ASIC5: variants seen among roughly 807,000 people sequenced by gnomAD.
The protein encoded by ASIC5 is acid sensing ion channel subunit family member 5, also known as bile acid-sensitive ion channel.
ASIC5 carries 52 observed loss-of-function variants against 51.2 expected under a neutral mutation model. The observed-to-expected ratio is 1.02, with a 90% CI of 0.81 to 1.28. The LOEUF (loss-of-function observed/expected upper bound fraction) is 1.28, where lower values mean the gene tolerates loss of function less well. Among genes scored for constraint, ASIC5 ranks in the 50% most tolerant of loss-of-function variants. The pLI is 0.00. For synonymous variants in ASIC5, 231 were observed against 200.7 expected, an observed-to-expected ratio of 1.15 and a Z score of -1.28; for missense variants, 635 against 595.0, an observed-to-expected ratio of 1.07 and a Z score of -0.70.
intron 4 of ASIC5, 75 bp downstream of exon 4, chr4:155,852,116 G>T: frequency 6.7e-7 from 1 of 1,495,008 alleles, no homozygotes; most frequent in South Asian, 1.2e-5. Flanking sequence ...TATCTGATAT[G>T]GCCCAATAGT....
At chr4:155,838,912 T>A in intron 6 of ASIC5, 43 bp from the exon 7 acceptor site, 2 of 1,122,866 alleles carry the variant, frequency 1.8e-6, no homozygotes, top group Non-Finnish European at 2.6e-6. Flanking sequence ...TTACATTTTG[T>A]AAAATAAGTG....
rs78261815 is a variant in ASIC5, at chr4:155,862,544, G to A, written c.347+904C>T. Among the ~76,000 whole-genome samples the A allele has an allele frequency of 1.7e-3, 252 of 152,166 alleles. 1 individual carries two copies. In the East Asian group the frequency reaches 0.024, roughly 15 times the overall value. On this transcript the variant is annotated intron_variant, in intron 2 of 9. Coordinates refer to ENST00000537611, the MANE Select transcript of ASIC5 (RefSeq NM_017419.3). ...TATGGTATTTCATGCTTCACCACAGGCAATTACAAAGCATTGTCTGGAAGC... is the reference window on the plus strand; with the variant it reads ...TATGGTATTTCATGCTTCACCACAGACAATTACAAAGCATTGTCTGGAAGC...
At chr4:155,857,137 T>G (rs1023349645) in intron 2 of ASIC5, among the ~76,000 whole-genome samples, 1 of 152,100 alleles carries the variant, frequency 6.6e-6, no homozygotes, top group Non-Finnish European at 1.5e-5. Context: ...TTTATTTTAT[T>G]TTTTGAGACA....
Position 155,829,919 on chromosome 4 carries a change from C to G in ASIC5, c.1455G>C (p.Met485Ile). 1 of 1,607,112 alleles carries G rather than the reference C, an allele frequency of 6.2e-7. No individual in the cohort carries two copies. The highest frequency in any genetic ancestry group is 8.5e-7 in the Non-Finnish European group (1 of 1,177,448). Residue 485 changes from methionine to isoleucine, a missense_variant, in exon 10 of 10, where the codon ATG becomes ATC. Met to Ile is a conservative substitution (Grantham distance 10). Coordinates refer to ENST00000537611, the MANE Select transcript of ASIC5 (RefSeq NM_017419.3). Reference protein sequence around the residue: ...CIFFLLKISEMTQWTPPPQNH... With the variant: ...CIFFLLKISEITQWTPPPQNH... Reference sequence around the variant, plus strand: ...TCTGAGGTGGAGGAGTCCACTGGGTCATTTCAGATATCTTCAGCAAAAAGA... The same window carrying G: ...TCTGAGGTGGAGGAGTCCACTGGGTGATTTCAGATATCTTCAGCAAAAAGA...
intron 2 of ASIC5, chr4:155,858,886 G>T (rs531617584): frequency 6.6e-6 from 1 of 152,034 alleles, no homozygotes; most frequent in East Asian, 1.9e-4. Flanking sequence ...AGTCAAATAC[G>T]CATTTGCCTC....
chr4:155,856,454 G>C (rs977795206), intron 2 of ASIC5, among the ~76,000 whole-genome samples: 1 of 152,058 alleles, frequency 6.6e-6, no homozygotes, highest in Non-Finnish European at 1.5e-5. Context: ...TGTTTTCACA[G>C]TCAATAACTA....
At position 155,863,771 on chromosome 4, in the gene ASIC5, T is replaced by C; in HGVS notation, c.41-17A>G. On this transcript the variant is annotated splice_polypyrimidine_tract_variant and intron_variant, in intron 1 of 9. Coordinates refer to ENST00000537611, the MANE Select transcript of ASIC5 (RefSeq NM_017419.3). ...CTAAGAGTCCTTAAGGTTTTGCCCA[T>C]AAAATGATTAAACAAAAAAAAGTAA... The C allele has an allele frequency of 1.9e-6, 3 of 1,575,174 alleles. No individual in the cohort carries two copies. The highest frequency in any genetic ancestry group is 2.6e-6 in the Non-Finnish European group (3 of 1,162,558).
At chr4:155,854,700 C>T (rs1044809785) in intron 2 of ASIC5, 14 of 198,470 alleles carry the variant, frequency 7.1e-5, no homozygotes, top group Non-Finnish European at 1.4e-4. Context: ...GCATTCCCAT[C>T]CTTGTATATA....
Position 155,858,382 on chromosome 4 carries a change from C to T in ASIC5, c.348-4068G>A, listed in dbSNP as rs550065938. 7.9e-5 allele frequency among the ~76,000 whole-genome samples: 12 copies of T among 152,100 alleles called. No homozygotes were observed. In the South Asian group the frequency reaches 1.9e-3, roughly 24 times the overall value. On this transcript the variant is annotated intron_variant, in intron 2 of 9. Coordinates refer to ENST00000537611, the MANE Select transcript of ASIC5 (RefSeq NM_017419.3). ...TTAATCAATTACAAGTAAAACTAGACTAATATGGCTGTGCTATGGAACATC... is the reference window on the plus strand; with the variant it reads ...TTAATCAATTACAAGTAAAACTAGATTAATATGGCTGTGCTATGGAACATC...
chr4:155,859,865 T>C (rs1345464404), intron 2 of ASIC5, among the ~76,000 whole-genome samples: 2 of 152,162 alleles, frequency 1.3e-5, no homozygotes, highest in Middle Eastern at 3.4e-3. Flanking sequence ...GCTCCTAACA[T>C]AGGAATACAA....
At position 155,866,243 on chromosome 4, in the gene ASIC5, G is replaced by A; in HGVS notation, c.-17C>T. 1 of 1,604,638 alleles carries A rather than the reference G, an allele frequency of 6.2e-7. No individual in the cohort carries two copies. Among genetic ancestry groups the A allele is most frequent in the Non-Finnish European group, 8.5e-7 (1 of 1,172,644 alleles). On this transcript the variant is annotated 5_prime_UTR_variant, in exon 1 of 10. Transcript: ENST00000537611. Reference sequence around the variant, plus strand: ...CTGCTCCATTTGTGATTTCAGTTAAGCAAGAGTCCTCAGGGTAACCCAATT... The same window carrying A: ...CTGCTCCATTTGTGATTTCAGTTAAACAAGAGTCCTCAGGGTAACCCAATT...
rs919484363 is a variant in ASIC5 at position 155,852,176 on chromosome 4, G to A, written c.711+15C>T. ...CACATTCTCGTTTGTCTTGAACCTG[G>A]AGAAAATTCAGTACCTGATTCACAT... On this transcript the variant is annotated intron_variant, in intron 4 of 9. Coordinates refer to ENST00000537611, the MANE Select transcript of ASIC5 (RefSeq NM_017419.3). The A allele has an allele frequency of 2.3e-5, 37 of 1,611,554 alleles. No individual in the cohort carries two copies. Among genetic ancestry groups the A allele is most frequent in the Non-Finnish European group, 3.1e-5 (36 of 1,178,512 alleles).
chr4:155,833,482 A>T (rs1272080117), intron 8 of ASIC5, among the ~76,000 whole-genome samples: 1 of 152,146 alleles, frequency 6.6e-6, no homozygotes, highest in Admixed American at 6.6e-5. Context: ...CTTAATTTCC[A>T]TTGGTTTAAC....
intron 4 of ASIC5, among the ~76,000 whole-genome samples, chr4:155,851,474 C>T (rs1741380583): frequency 6.6e-6 from 1 of 151,918 alleles, no homozygotes; most frequent in Non-Finnish European, 1.5e-5. Flanking sequence ...ATACTTAATC[C>T]ATCAGCATTT....
intron 2 of ASIC5, among the ~76,000 whole-genome samples, chr4:155,858,670 A>T (rs1741610759): frequency 6.6e-6 from 1 of 151,992 alleles, no homozygotes; most frequent in Non-Finnish European, 1.5e-5. Flanking sequence ...AAGCGTGGGC[A>T]GTAGGGGAAA....
At chr4:155,865,652 A>G (rs1741843531) in intron 1 of ASIC5, among the ~76,000 whole-genome samples, 1 of 148,040 alleles carries the variant, frequency 6.8e-6, no homozygotes, top group Admixed American at 6.9e-5. Flanking sequence ...TTCTGGAGTA[A>G]TACCAACTAT....
At chr4:155,862,396 G>A (rs1014693935) in intron 2 of ASIC5, among the ~76,000 whole-genome samples, 2 of 152,090 alleles carry the variant, frequency 1.3e-5, no homozygotes, top group African/African-American at 2.4e-5. Flanking sequence ...ACAAATATGT[G>A]AAGTAGATGA....
intron 6 of ASIC5, among the ~76,000 whole-genome samples, chr4:155,839,405 C>A (rs1741067300): frequency 6.6e-6 from 1 of 151,280 alleles, no homozygotes; most frequent in African/African-American, 2.4e-5. Flanking sequence ...GACTGCCATT[C>A]CAGAAGTAGG....
At chr4:155,843,882 T>C in intron 4 of ASIC5, 52 bp from the exon 5 acceptor site, 1 of 1,569,270 alleles carries the variant, frequency 6.4e-7, no homozygotes, top group Non-Finnish European at 8.8e-7. Context: ...ATATCAGTTC[T>C]AAACAAGTTT....
Sources: gnomAD v4.1 joint callset for allele counts (sites outside exome capture counted in the v4.1 genomes callset) on GRCh38, gnomAD v4.1.1 for gene constraint, MANE v1.5 for transcripts, NCBI Gene and HGNC (gene_info 2026-07-23, HGNC 2026-07-21) for gene names.